The following MGA variants were observed in gnomAD, a reference collection of about 807,000 sequenced individuals.
The protein encoded by MGA is MAX dimerization protein MGA.
MGA carries 40 observed loss-of-function variants against 261.1 expected under a neutral mutation model. The observed-to-expected ratio is 0.15, with a 90% confidence interval of 0.12 to 0.20. The LOEUF is 0.20. Ranked by LOEUF, MGA falls within the 10% of genes least tolerant of loss-of-function variation. The probability of loss-of-function intolerance (pLI) is 1.00; values close to 1 mark genes in which losing one functional copy is unlikely to be tolerated. For missense variants in MGA, 3,397 were observed against 3,630.5 expected, an observed-to-expected ratio of 0.94 and a Z score of 1.65; for synonymous variants, 1,302 against 1,290.6, an observed-to-expected ratio of 1.01 and a Z score of -0.19.
chr15:41,711,496 T>C (rs147746938), intron 8 of MGA, 147 bp downstream of exon 8: 26 of 795,150 alleles, frequency 3.3e-5, no homozygotes, highest in Middle Eastern at 2.4e-4. Flanking sequence ...GGCTATGTCT[T>C]CCCCATTTGT....
chr15:41,699,337 C>A lies in MGA; in HGVS notation c.2188+178C>A, dbSNP rs573395514. On this transcript the variant is annotated intron_variant, in intron 5 of 23. Coordinates refer to ENST00000219905, the MANE Select transcript of MGA (RefSeq NM_001164273.2). ...GTTTGCATATTTTTCTCTTCTCTGTCTCCATAATTCTTCCCTTTAGTTTAA... is the reference window on the plus strand; with the variant it reads ...GTTTGCATATTTTTCTCTTCTCTGTATCCATAATTCTTCCCTTTAGTTTAA... 1.1e-3 allele frequency among the ~76,000 whole-genome samples: 173 copies of A among 151,848 alleles called. 1 individual carries two copies. The highest frequency in any genetic ancestry group is 1.8e-3 in the Non-Finnish European group (122 of 67,974).
chr15:41,729,276 C>G lies in MGA; in HGVS notation c.3770C>G (p.Ser1257Cys). Residue 1257 changes from serine (S) to cysteine (C), a missense_variant, in exon 11 of 24, where the codon TCC (serine) becomes TGC (cysteine). This residue lies in a region of MGA where 1,410 missense variants were observed against 1,386.4 expected (regional missense o/e 1.02). Coordinates refer to ENST00000219905, the MANE Select transcript of MGA (RefSeq NM_001164273.2). ...GAGGACCAGAGACAACCATCTTCCTCCTCCTCCCCATCTCCATCATTTCAG... is the reference window on the plus strand; with the variant it reads ...GAGGACCAGAGACAACCATCTTCCTGCTCCTCCCCATCTCCATCATTTCAG... 1 of 1,613,888 alleles carries G rather than the reference C, an allele frequency of 6.2e-7. No homozygotes were observed. Among genetic ancestry groups the G allele is most frequent in the South Asian group, 1.1e-5 (1 of 91,074 alleles).
intron 2 of MGA, among the ~76,000 whole-genome samples, chr15:41,675,899 C>G (rs1446412543): frequency 3.9e-5 from 6 of 152,158 alleles, no homozygotes; most frequent in Non-Finnish European, 2.9e-5. Context: ...CAGTCATTCA[C>G]TAAGTGTAAC....
At chr15:41,659,336 G>C (rs907116916), upstream of MGA, among the ~76,000 whole-genome samples, 5 of 151,650 alleles carry the variant, frequency 3.3e-5, no homozygotes, top group Non-Finnish European at 7.4e-5. Context: ...TCCTTCCTTA[G>C]TCTTCTCATT....
intron 2 of MGA, among the ~76,000 whole-genome samples, chr15:41,693,686 G>A (rs1005476371): frequency 6.6e-6 from 1 of 152,124 alleles, no homozygotes; most frequent in Non-Finnish European, 1.5e-5. Flanking sequence ...GGATCCTATG[G>A]AGTATACTGC....
At chr15:41,670,513 C>G (rs2057990441) in intron 2 of MGA, among the ~76,000 whole-genome samples, 1 of 152,036 alleles carries the variant, frequency 6.6e-6, no homozygotes, top group Admixed American at 6.6e-5. Flanking sequence ...AGTAAGCATA[C>G]TATTTTTTTT....
At chr15:41,708,430 G>T (rs2060223278) in intron 7 of MGA, among the ~76,000 whole-genome samples, 1 of 152,036 alleles carries the variant, frequency 6.6e-6, no homozygotes, top group Admixed American at 6.6e-5. Context: ...AGATTCTTCT[G>T]CCTCAGCCTC....
rs2063940848 is a variant in MGA at position 41,769,241 on chromosome 15, GCA to G, written c.*1962_*1963del. 6.6e-6 allele frequency: 1 copy of G among 151,704 alleles called. No individual in the cohort carries two copies. The highest frequency in any genetic ancestry group is 2.1e-4 in the South Asian group (1 of 4,794). The allele number at this position is 151,704 out of a possible 1,614,324, so 9.4% of individuals were successfully genotyped here. On this transcript the variant is annotated 3_prime_UTR_variant, in exon 24 of 24. Coordinates refer to ENST00000219905, the MANE Select transcript of MGA (RefSeq NM_001164273.2). The stretch of plus-strand genomic sequence containing the variant: ...GTGGCTTTTGAGGGTCAGCCAAGGA[GCA>G]GGCAAGTGAGTGAACAATCCTCAGG...
rs376747129 is a variant in MGA at position 41,749,340 on chromosome 15, C to G, written c.5733C>G (p.Ser1911Arg). 2.3e-5 allele frequency: 37 copies of G among 1,613,888 alleles called. 1 individual carries two copies. The highest frequency in any genetic ancestry group is 2.2e-4 in the South Asian group (20 of 91,084). ...GGATTTCTCCTCCTGAACCACAAAG[C>G]TTTGCAAGTAAAACAGGCTCTGAAA... Residue 1911 changes from serine (S) to arginine (R), a missense_variant, in exon 17 of 24, where the codon AGC (serine) becomes AGG (arginine). Physicochemically the swap from Ser to Arg is moderately radical, Grantham distance 110. Transcript: ENST00000219905.
chr15:41,654,302 C>T (rs1440566496), intron 1 of MGA, among the ~76,000 whole-genome samples: 1 of 152,062 alleles, frequency 6.6e-6, no homozygotes, highest in Non-Finnish European at 1.5e-5. Flanking sequence ...AATTTTTCAT[C>T]TATCTAAGTG....
chr15:41,651,806 TC>T (rs1566934047), intron 1 of MGA, among the ~76,000 whole-genome samples: 1 of 3,932 alleles, frequency 2.5e-4, no homozygotes, highest in Non-Finnish European at 9.7e-4. Context: ...CTCCCCCCCC[TC>T]TTCCTTTCCC....
intron 1 of MGA, among the ~76,000 whole-genome samples, chr15:41,621,982 G>T (rs1156647914): frequency 1.3e-5 from 2 of 151,590 alleles, no homozygotes; most frequent in African/African-American, 4.8e-5. Context: ...GGAGTGCTGG[G>T]GCCGCGTGAA....
At chr15:41,751,246 A>G (rs1376095108) in intron 17 of MGA, 1 of 151,994 alleles carries the variant, frequency 6.6e-6, no homozygotes, top group Non-Finnish European at 1.5e-5. Flanking sequence ...ATTCCTATTT[A>G]GGGTTGTTGT....
At chr15:41,715,649 C>T (rs2060594768) in intron 9 of MGA, among the ~76,000 whole-genome samples, 1 of 152,066 alleles carries the variant, frequency 6.6e-6, no homozygotes, top group South Asian at 2.1e-4. Context: ...TAAAATGTCA[C>T]CTGTAATATA....
At chr15:41,744,065 T>G (rs946449443) in intron 15 of MGA, among the ~76,000 whole-genome samples, 4 of 152,198 alleles carry the variant, frequency 2.6e-5, no homozygotes, top group African/African-American at 9.6e-5. Context: ...ATGTTTTCTC[T>G]TAAATATTTT....
chr15:41,664,609 G>T (rs1184510609), intron 1 of MGA, among the ~76,000 whole-genome samples: 1 of 152,180 alleles, frequency 6.6e-6, no homozygotes, highest in African/African-American at 2.4e-5. Context: ...TTGTGCTCAC[G>T]TGGAACACAT....
intron 10 of MGA, among the ~76,000 whole-genome samples, chr15:41,728,223 C>T (rs534035612): frequency 1.8e-4 from 28 of 152,106 alleles, no homozygotes; most frequent in African/African-American, 6.3e-4. Context: ...CCCAGCTACT[C>T]GGTAGGCTGA....
At chr15:41,742,488 A>G (rs1332780272) in intron 14 of MGA, 58 bp from the exon 15 acceptor site, 4 of 1,573,264 alleles carry the variant, frequency 2.5e-6, no homozygotes, top group Non-Finnish European at 2.6e-6. Flanking sequence ...AAGCACAGTC[A>G]CTAAGAGGAT....
chr15:41,762,287 G>A lies in MGA; in HGVS notation c.7669G>A (p.Asp2557Asn). 1.2e-6 allele frequency: 2 copies of A among 1,613,872 alleles called. No homozygotes were observed. Among genetic ancestry groups the A allele is most frequent in the Non-Finnish European group, 1.7e-6 (2 of 1,179,854 alleles). Residue 2557 changes from aspartate to asparagine, a missense_variant, in exon 22 of 24, where the codon GAT becomes AAT. Around this residue, in one of 9 missense-constraint regions of MGA, gnomAD observed 647 missense variants for 642.4 expected, o/e 1.01. Coordinates refer to ENST00000219905, the MANE Select transcript of MGA (RefSeq NM_001164273.2). ...GGAAGGATCTTCTGCATCATCTGTA[G>A]ATCTTGGACAGATGTTTATAAATAA...
Sources: allele counts gnomAD v4.1 joint callset (sites outside exome capture counted in the v4.1 genomes callset), GRCh38; gene constraint gnomAD v4.1.1; regional missense constraint gnomAD v4.1.1; transcripts MANE v1.5; gene names NCBI Gene and HGNC (gene_info 2026-07-23, HGNC 2026-07-21).